LYRM4: variants seen among roughly 807,000 people sequenced by gnomAD.
The protein encoded by LYRM4 is LYR motif-containing protein 4.
LYRM4 carries 9 observed loss-of-function variants against 11.7 expected under a neutral mutation model. That is an observed-to-expected ratio of 0.77 (90% confidence interval 0.46 to 1.34). LYRM4 has a LOEUF of 1.34. LYRM4 is among the 40% of genes most tolerant of loss of function. The pLI, the probability that LYRM4 is intolerant of heterozygous loss-of-function variation, is 0.00. For missense variants in LYRM4, 133 were observed against 112.5 expected (o/e 1.18, Z -0.82); for synonymous variants, 42 against 40.4 (o/e 1.04, Z -0.15).
chr6:5,187,045 C>T lies in LYRM4; in HGVS notation c.207+29573G>A, dbSNP rs530712731. The T allele has an allele frequency of 1.1e-4, 103 of 967,810 alleles. 1 individual carries two copies. The South Asian group carries it at 1.1e-3, about 11-fold the overall frequency. The allele number at this position is 967,810 out of a possible 1,614,324, so 60.0% of individuals were successfully genotyped here. ...ATGGGGCCCCAAAATAAATGACAAA[C>T]GAGGAACTGTATTTGTAACAAATCT... On this transcript the variant is annotated intron_variant, in intron 2 of 2. Transcript: ENST00000330636.
the LYRM4 span, among the ~76,000 whole-genome samples, chr6:5,077,962 A>G: frequency 6.6e-6 from 1 of 152,188 alleles, no homozygotes; most frequent in Non-Finnish European, 1.5e-5. Flanking sequence ...TATGTTAAGA[A>G]TAATTGCAGA....
chr6:5,229,518 G>T (rs548828520), intron 1 of LYRM4, among the ~76,000 whole-genome samples: 2 of 152,170 alleles, frequency 1.3e-5, no homozygotes, highest in East Asian at 3.8e-4. Context: ...GGGTGGTGCA[G>T]AATTTCTTCC....
chr6:5,187,716 C>T (rs1760495820), intron 2 of LYRM4, among the ~76,000 whole-genome samples: 1 of 152,006 alleles, frequency 6.6e-6, no homozygotes, highest in Non-Finnish European at 1.5e-5. Context: ...ATCAAACCTG[C>T]ACGTTGTGCA....
At chr6:5,246,062 T>C (rs1345048860) in intron 1 of LYRM4, among the ~76,000 whole-genome samples, 1 of 151,932 alleles carries the variant, frequency 6.6e-6, no homozygotes, top group Non-Finnish European at 1.5e-5. Flanking sequence ...GGGAGCAGGG[T>C]GGTGTTGGGC....
intron 1 of LYRM4, among the ~76,000 whole-genome samples, chr6:5,237,491 A>C (rs1763618865): frequency 6.6e-6 from 1 of 152,094 alleles, no homozygotes; most frequent in African/African-American, 2.4e-5. Context: ...ACAATGTAAT[A>C]AACAGAAATA....
At chr6:5,234,005 C>G (rs185377199) in intron 1 of LYRM4, among the ~76,000 whole-genome samples, 1 of 152,344 alleles carries the variant, frequency 6.6e-6, no homozygotes, top group African/African-American at 2.4e-5. Flanking sequence ...ACCCCCTCCT[C>G]CCCAACAACT....
At chr6:5,225,944 TCCA>T (rs1393537525) in intron 1 of LYRM4, among the ~76,000 whole-genome samples, 4 of 152,214 alleles carry the variant, frequency 2.6e-5, no homozygotes, top group Non-Finnish European at 5.9e-5. Flanking sequence ...ATGTATGATG[TCCA>T]CCACATTGTC....
At chr6:5,104,603 G>A (rs930120819), downstream of LYRM4, 9 of 152,090 alleles carry the variant, frequency 5.9e-5, no homozygotes, top group African/African-American at 2.2e-4. Context: ...TTATTAAATG[G>A]ATAAACAATT....
chr6:5,159,820 GC>G (rs1758643633), intron 2 of LYRM4, among the ~76,000 whole-genome samples: 1 of 152,114 alleles, frequency 6.6e-6, no homozygotes, highest in Non-Finnish European at 1.5e-5. Context: ...ATTGACTTTG[GC>G]TTCTATCAAA....
At chr6:5,081,130 T>G in the LYRM4 span, among the ~76,000 whole-genome samples, 1 of 2,218 alleles carries the variant, frequency 4.5e-4, no homozygotes, top group African/African-American at 7.3e-4. Context: ...TGAACACACT[T>G]GGGCGGGGGG....
chr6:5,243,506 A>C (rs565634732), intron 1 of LYRM4, among the ~76,000 whole-genome samples: 5 of 152,348 alleles, frequency 3.3e-5, no homozygotes, highest in African/African-American at 1.2e-4. Context: ...AAGAAGAAGA[A>C]AAAATGGAGG....
the LYRM4 span, among the ~76,000 whole-genome samples, chr6:5,042,123 G>A: frequency 6.5e-4 from 99 of 152,228 alleles, no homozygotes; most frequent in African/African-American, 2.3e-3. Context: ...TTTTATTTTT[G>A]TGTGTCATCA....
intron 2 of LYRM4, among the ~76,000 whole-genome samples, chr6:5,115,964 C>T (rs1763100798): frequency 6.6e-6 from 1 of 152,098 alleles, no homozygotes; most frequent in African/African-American, 2.4e-5. Context: ...GCATCGGTGA[C>T]TGAGGGGAGG....
intron 2 of LYRM4, among the ~76,000 whole-genome samples, chr6:5,200,902 T>C (rs1761351467): frequency 6.6e-6 from 1 of 152,218 alleles, no homozygotes; most frequent in Non-Finnish European, 1.5e-5. Context: ...TCTTTGAAGA[T>C]ACCCTCAGAG....
Position 5,113,165 on chromosome 6 carries a change from T to A in LYRM4, c.208-3674A>T, listed in dbSNP as rs543681104. The A allele has an allele frequency of 7.1e-5, 22 of 310,180 alleles. No individual in the cohort carries two copies. The East Asian group carries it at 2.0e-3, about 28-fold the overall frequency. 19.2% of individuals were successfully genotyped at this position (310,180 alleles called of 1,614,324 possible). ...AGAGTGCAGGTGAGGATGGGTGCAG[T>A]GGCTTACGCCTATAATTCCAGCACT... On this transcript the variant is annotated intron_variant, in intron 2 of 2. Transcript: ENST00000330636.
intron 2 of LYRM4, among the ~76,000 whole-genome samples, chr6:5,155,596 G>A (rs1307823092): frequency 6.6e-6 from 1 of 152,168 alleles, no homozygotes; most frequent in Non-Finnish European, 1.5e-5. Flanking sequence ...TATCTTTTAA[G>A]GATGATACGT....
the LYRM4 span, among the ~76,000 whole-genome samples, chr6:5,055,259 T>G: frequency 6.6e-6 from 1 of 152,154 alleles, no homozygotes; most frequent in South Asian, 2.1e-4. This position sits in a 1 kb window ranked among gnomAD's most constrained non-coding sequence, Gnocchi z 4.5. Context: ...CCCTAGAAGG[T>G]ATAAAACCAA....
intron 1 of LYRM4, among the ~76,000 whole-genome samples, chr6:5,257,553 GTGGCC>G (rs1359567324): frequency 6.6e-6 from 1 of 152,194 alleles, no homozygotes; most frequent in Non-Finnish European, 1.5e-5. Flanking sequence ...GTACTGGTCC[GTGGCC>G]TGTTAGGAAC....
chr6:5,043,687 C>G, the LYRM4 span, among the ~76,000 whole-genome samples: 3 of 152,276 alleles, frequency 2.0e-5, no homozygotes, highest in Non-Finnish European at 2.9e-5. Context: ...GTGCCACCCC[C>G]CATTCCTCGG....
Sources: gnomAD v4.1 joint callset for allele counts (sites outside exome capture counted in the v4.1 genomes callset) on GRCh38, gnomAD v4.1.1 for gene constraint, Gnocchi (gnomAD v3.1) non-coding constraint, MANE v1.5 for transcripts, NCBI Gene and HGNC (gene_info 2026-07-23, HGNC 2026-07-21) for gene names.